Variants in SHTN1 observed in about 807,000 individuals in gnomAD.
The protein encoded by SHTN1 is shootin 1.
A neutral mutation model predicts 83.1 loss-of-function variants in SHTN1; 42 were observed. The observed-to-expected ratio is 0.51, with a 90% CI of 0.39 to 0.65. SHTN1 has a LOEUF of 0.65. SHTN1 is among the 30% of genes least tolerant of loss of function. SHTN1 has a pLI of 0.00. For missense variants in SHTN1, 622 were observed against 737.8 expected (o/e 0.84, Z 1.82); for synonymous variants, 224 against 247.7 (o/e 0.90, Z 0.90).
intron 16 of SHTN1, among the ~76,000 whole-genome samples, chr10:116,886,889 T>A (rs1847181536): frequency 6.6e-6 from 1 of 152,326 alleles, no homozygotes; most frequent in South Asian, 2.1e-4. Context: ...AACTGTGAAC[T>A]TCTCACAGCC....
chr10:116,983,675 GATAGATAGATAAATACATAC>G (rs1379100751), intron 1 of SHTN1, among the ~76,000 whole-genome samples: 6 of 46,244 alleles, frequency 1.3e-4, no homozygotes, highest in Admixed American at 4.0e-4. Flanking sequence ...TAGATAGATA[GATAGATAGATAAATACATAC>G]ATACATACAT....
At chr10:117,126,473 G>T (rs924282755) in exon 1 of SHTN1, 1 of 210,468 alleles carries the variant, frequency 4.8e-6, no homozygotes, top group East Asian at 1.6e-4. Flanking sequence ...CTCCTAGCAC[G>T]CATGCCCCTC....
intron 11 of SHTN1, among the ~76,000 whole-genome samples, chr10:116,927,029 C>T (rs553938888): frequency 3.3e-5 from 5 of 152,222 alleles, no homozygotes; most frequent in East Asian, 1.9e-4. Flanking sequence ...TTCTTATGGA[C>T]GGTTCCTCTC....
intron 16 of SHTN1, among the ~76,000 whole-genome samples, chr10:116,893,572 ATG>A (rs1491451966): frequency 6.8e-6 from 1 of 147,012 alleles, no homozygotes; most frequent in Admixed American, 6.9e-5. Flanking sequence ...ATAGGCACTC[ATG>A]TGCACACACA....
chr10:117,083,106 A>C (rs1311967770), intron 1 of SHTN1, among the ~76,000 whole-genome samples: 1 of 150,354 alleles, frequency 6.7e-6, no homozygotes, highest in East Asian at 1.9e-4. Flanking sequence ...TTTGCTCGTT[A>C]GTTGATGCAG....
At chr10:116,926,840 A>C (rs1848761193) in intron 11 of SHTN1, among the ~76,000 whole-genome samples, 1 of 152,202 alleles carries the variant, frequency 6.6e-6, no homozygotes, top group Admixed American at 6.5e-5. Flanking sequence ...TGTCTTATGT[A>C]ATTCTAGATG....
At chr10:117,097,040 C>G (rs1422971625) in intron 1 of SHTN1, among the ~76,000 whole-genome samples, 1 of 151,840 alleles carries the variant, frequency 6.6e-6, no homozygotes, top group East Asian at 1.9e-4. Flanking sequence ...GACACACACA[C>G]ACACACACAC....
rs192874923 is a variant in SHTN1 at position 116,915,214 on chromosome 10, C to A, written c.1305+161G>T. On this transcript the variant is annotated intron_variant, in intron 13 of 16. Coordinates refer to ENST00000355371, the MANE Select transcript of SHTN1 (RefSeq NM_001127211.3). ...TACTGATTTAGGTTCACCATGGGTC[C>A]TCCTGAAACATGCTTATGTGGAAGT... is the stretch of plus-strand genomic sequence containing the variant. Among the ~76,000 whole-genome samples, 492 of 152,304 alleles carry A rather than the reference C, an allele frequency of 3.2e-3. 1 individual carries two copies. The highest frequency in any genetic ancestry group is 4.4e-3 in the Non-Finnish European group (300 of 68,022).
chr10:116,896,060 A>G (rs1847506197), intron 16 of SHTN1, among the ~76,000 whole-genome samples: 1 of 152,180 alleles, frequency 6.6e-6, no homozygotes, highest in African/African-American at 2.4e-5. Context: ...ATTTCAGCAC[A>G]TTTCCTCTTA....
intron 15 of SHTN1, 37 bp downstream of exon 15, chr10:116,906,590 T>C: frequency 6.4e-7 from 1 of 1,559,206 alleles, no homozygotes; most frequent in East Asian, 2.3e-5. Flanking sequence ...GTTTCAGAGA[T>C]GAAGAGAAGG....
At chr10:117,077,768 G>A in intron 1 of SHTN1, among the ~76,000 whole-genome samples, 1 of 151,996 alleles carries the variant, frequency 6.6e-6, no homozygotes, top group East Asian at 1.9e-4. Flanking sequence ...TGAGAATGAT[G>A]GTTTCCAGCT....
intron 1 of SHTN1, among the ~76,000 whole-genome samples, chr10:117,095,570 AC>A (rs1853492027): frequency 6.6e-6 from 1 of 152,324 alleles, no homozygotes; most frequent in Admixed American, 6.5e-5. Context: ...CTTTTTAAAA[AC>A]ATTTTCCATT....
At chr10:116,940,390 C>A in intron 9 of SHTN1, 76 bp downstream of exon 9, 2 of 1,423,566 alleles carry the variant, frequency 1.4e-6, no homozygotes, top group South Asian at 1.4e-5. Flanking sequence ...ACTGCACTGG[C>A]TCCCTTCATC....
chr10:116,988,214 G>A (rs911876032), intron 1 of SHTN1, among the ~76,000 whole-genome samples: 2 of 151,820 alleles, frequency 1.3e-5, no homozygotes, highest in Non-Finnish European at 2.9e-5. Context: ...GTAGGAAAAG[G>A]TGAAGAGGTA....
chr10:117,004,257 T>C (rs1238740721), intron 1 of SHTN1, among the ~76,000 whole-genome samples: 1 of 152,076 alleles, frequency 6.6e-6, no homozygotes, highest in Non-Finnish European at 1.5e-5. Context: ...AGTGTTTAAA[T>C]GTGATAGGTT....
intron 2 of SHTN1, among the ~76,000 whole-genome samples, chr10:117,016,678 AT>A (rs1449912533): frequency 7.1e-6 from 1 of 141,696 alleles, no homozygotes; most frequent in Non-Finnish European, 1.5e-5. Context: ...AAGTGTTGGG[AT>A]TACAGGCGTG....
intron 8 of SHTN1, among the ~76,000 whole-genome samples, chr10:116,943,946 G>A (rs1372584067): frequency 6.6e-6 from 1 of 152,156 alleles, no homozygotes; most frequent in Non-Finnish European, 1.5e-5. Context: ...GGCCATGGAA[G>A]ACCCAACGAC....
intron 1 of SHTN1, among the ~76,000 whole-genome samples, chr10:117,077,522 C>T (rs2133608086): frequency 6.6e-6 from 1 of 152,012 alleles, no homozygotes; most frequent in East Asian, 1.9e-4. Flanking sequence ...TACATGTGCA[C>T]AACGTGCAGG....
At chr10:117,082,851 A>T (rs1222982248) in intron 1 of SHTN1, among the ~76,000 whole-genome samples, 1 of 151,418 alleles carries the variant, frequency 6.6e-6, no homozygotes, top group Non-Finnish European at 1.5e-5. Context: ...AGAGACTAGG[A>T]TTGCAACCCC....
Sources: allele counts gnomAD v4.1 joint callset (sites outside exome capture counted in the v4.1 genomes callset), GRCh38; gene constraint gnomAD v4.1.1; transcripts MANE v1.5; gene names NCBI Gene and HGNC (gene_info 2026-07-23, HGNC 2026-07-21).